The following CDK14 variants were observed in gnomAD, a reference collection of about 807,000 sequenced individuals.
The protein encoded by CDK14 is cyclin dependent kinase 14, also known as cyclin-dependent kinase 14.
In CDK14, 34 loss-of-function variants were observed where a neutral mutation model predicts 60.7. The observed-to-expected ratio is 0.56, with a 90% CI of 0.43 to 0.75. The LOEUF is 0.75. CDK14 is among the 30% of genes least tolerant of loss of function. The pLI is 0.00. For synonymous variants in CDK14, 197 were observed against 203.7 expected, an observed-to-expected ratio of 0.97 and a Z score of 0.28; for missense variants, 482 against 564.1, an observed-to-expected ratio of 0.85 and a Z score of 1.47.
intron 2 of CDK14, among the ~76,000 whole-genome samples, chr7:90,645,013 A>G (rs78121144): frequency 0.018 from 2,800 of 152,312 alleles, 82 homozygotes; most frequent in African/African-American, 0.063. Flanking sequence ...GCTCTATAAA[A>G]GTAAGCTTTT....
intron 2 of CDK14, among the ~76,000 whole-genome samples, chr7:90,676,593 C>T (rs537261443): frequency 6.0e-5 from 9 of 149,572 alleles, no homozygotes; most frequent in African/African-American, 1.2e-4. Context: ...AGTGCAGTGG[C>T]GTGATCTCGG....
At chr7:90,658,413 G>T (rs1020222992) in intron 2 of CDK14, among the ~76,000 whole-genome samples, 4 of 152,096 alleles carry the variant, frequency 2.6e-5, no homozygotes, top group African/African-American at 9.7e-5. Context: ...CTTTATAAGG[G>T]CACTTATCTC....
intron 10 of CDK14, among the ~76,000 whole-genome samples, chr7:91,024,663 C>A (rs974614226): frequency 3.9e-5 from 6 of 152,102 alleles, no homozygotes; most frequent in Non-Finnish European, 5.9e-5. Context: ...AAATAAATAA[C>A]TAAACAAGTT....
chr7:91,089,966 G>A (rs987555544), intron 12 of CDK14, among the ~76,000 whole-genome samples: 1 of 152,132 alleles, frequency 6.6e-6, no homozygotes, highest in Non-Finnish European at 1.5e-5. Flanking sequence ...AGTCAAGTGG[G>A]ACTTTACCTT....
chr7:90,811,612 C>T (rs1789117331), intron 5 of CDK14, among the ~76,000 whole-genome samples: 2 of 151,120 alleles, frequency 1.3e-5, no homozygotes, highest in South Asian at 2.1e-4. Context: ...CCAAAATTGA[C>T]AAATGGGATC....
intron 2 of CDK14, among the ~76,000 whole-genome samples, chr7:90,610,133 C>T (rs1308523062): frequency 2.0e-5 from 3 of 152,200 alleles, no homozygotes; most frequent in East Asian, 3.9e-4. Context: ...ATCCCATTCT[C>T]ATAGTCCATA....
chr7:91,054,400 C>T (rs1156573660), intron 11 of CDK14, among the ~76,000 whole-genome samples: 2 of 152,174 alleles, frequency 1.3e-5, no homozygotes, highest in East Asian at 1.9e-4. Context: ...CAGCTATCAC[C>T]TTTGTGAACT....
chr7:90,598,138 C>G (rs1284108473), intron 1 of CDK14, among the ~76,000 whole-genome samples: 1 of 152,196 alleles, frequency 6.6e-6, no homozygotes, highest in African/African-American at 2.4e-5. Context: ...AAGCCGTGTT[C>G]TAAAACACAT....
At chr7:91,075,913 G>A (rs1048173468) in intron 11 of CDK14, among the ~76,000 whole-genome samples, 58 of 152,028 alleles carry the variant, frequency 3.8e-4, no homozygotes, top group African/African-American at 1.3e-3. Flanking sequence ...GCTAACAAGG[G>A]ATGTGAAGGG....
intron 2 of CDK14, among the ~76,000 whole-genome samples, chr7:90,677,464 G>A (rs1801226060): frequency 6.6e-6 from 1 of 152,122 alleles, no homozygotes; most frequent in Non-Finnish European, 1.5e-5. Flanking sequence ...GCTGTTAATC[G>A]GCTTATTTTA....
At chr7:90,811,734 T>A (rs976109553) in intron 5 of CDK14, among the ~76,000 whole-genome samples, 13 of 151,998 alleles carry the variant, frequency 8.6e-5, no homozygotes, top group African/African-American at 1.2e-4. Context: ...AAAGGGCTAA[T>A]ATCCAGAATC....
rs1223591190 is a variant in CDK14 at position 91,210,332 on chromosome 7, T to G, written c.*3196T>G. On this transcript the variant is annotated 3_prime_UTR_variant, in exon 15 of 15. Coordinates refer to ENST00000380050, the MANE Select transcript of CDK14 (RefSeq NM_001287135.2). ...GAGTGGATTTTTAAAGTTTTCCTTT[T>G]ATCTTTTATTTTTTTTTGTATGATG... 1 of 42,250 alleles carries G rather than the reference T, an allele frequency of 2.4e-5. No individual in the cohort carries two copies. Among genetic ancestry groups the G allele is most frequent in the Admixed American group, 2.9e-4 (1 of 3,494 alleles). The allele number at this position is 42,250 out of a possible 1,614,324, so 2.6% of individuals were successfully genotyped here.
chr7:90,667,718 T>C (rs931850092), intron 2 of CDK14, among the ~76,000 whole-genome samples: 3 of 151,952 alleles, frequency 2.0e-5, no homozygotes, highest in Admixed American at 6.6e-5. Flanking sequence ...TATAGGCGCC[T>C]GCCACCACGC....
At chr7:90,649,250 T>TTC (rs1176318510) in intron 2 of CDK14, among the ~76,000 whole-genome samples, 12 of 18,466 alleles carry the variant, frequency 6.5e-4, no homozygotes, top group African/African-American at 2.3e-3. Flanking sequence ...CTTTCTTTCT[T>TTC]TCTTTCTTTC....
chr7:90,928,445 A>G (rs565126068), intron 8 of CDK14, among the ~76,000 whole-genome samples: 2 of 152,326 alleles, frequency 1.3e-5, no homozygotes, highest in Admixed American at 6.5e-5. Flanking sequence ...TCTAACAGTC[A>G]GGACCCTCAG....
intron 6 of CDK14, among the ~76,000 whole-genome samples, chr7:90,884,685 T>A (rs901636271): frequency 6.6e-6 from 1 of 152,134 alleles, no homozygotes; most frequent in Non-Finnish European, 1.5e-5. Context: ...CTTCAAACTA[T>A]GCTACAGGGC....
intron 10 of CDK14, among the ~76,000 whole-genome samples, chr7:91,010,627 AGTT>A (rs1796123779): frequency 6.6e-6 from 1 of 151,746 alleles, no homozygotes; most frequent in East Asian, 1.9e-4. Flanking sequence ...AACTTATTCT[AGTT>A]GTTTTTTTGG....
intron 2 of CDK14, among the ~76,000 whole-genome samples, chr7:90,635,035 C>T (rs113545123): frequency 0.047 from 7,204 of 151,978 alleles, 200 homozygotes; most frequent in Non-Finnish European, 0.055. Context: ...GGATATTAGC[C>T]CTTTGTCAGA....
At chr7:90,597,031 A>G (rs1799206950) in intron 1 of CDK14, among the ~76,000 whole-genome samples, 1 of 152,014 alleles carries the variant, frequency 6.6e-6, no homozygotes, top group African/African-American at 2.4e-5. Flanking sequence ...CTCGGCCCCC[A>G]CCGCGCAAGG....
Sources: gnomAD v4.1 joint callset for allele counts (sites outside exome capture counted in the v4.1 genomes callset) on GRCh38, gnomAD v4.1.1 for gene constraint, MANE v1.5 for transcripts, NCBI Gene and HGNC (gene_info 2026-07-23, HGNC 2026-07-21) for gene names.